LARGE1: variants seen among roughly 807,000 people sequenced by gnomAD.
The protein encoded by LARGE1 is xylosyl- and glucuronyltransferase LARGE1.
A neutral mutation model predicts 87.6 loss-of-function variants in LARGE1; 43 were observed. The observed-to-expected ratio is 0.49, with a 90% confidence interval of 0.38 to 0.63. The LOEUF (loss-of-function observed/expected upper bound fraction) is 0.63. Ranked by LOEUF, LARGE1 falls within the 30% of genes least tolerant of loss-of-function variation. LARGE1 has a pLI of 0.00. For missense variants in LARGE1, 802 were observed against 1,000.2 expected, an observed-to-expected ratio of 0.80 and a Z score of 2.67; for synonymous variants, 434 against 394.6, an observed-to-expected ratio of 1.10 and a Z score of -1.18.
chr22:33,888,459 A>C (rs1384249411), intron 1 of LARGE1, among the ~76,000 whole-genome samples: 1 of 152,124 alleles, frequency 6.6e-6, no homozygotes, highest in African/African-American at 2.4e-5. Flanking sequence ...GTGGTGGACA[A>C]CTGTACTAAT....
intron 13 of LARGE1, among the ~76,000 whole-genome samples, chr22:33,282,162 T>C (rs1332783092): frequency 6.6e-6 from 1 of 152,076 alleles, no homozygotes; most frequent in Non-Finnish European, 1.5e-5. Flanking sequence ...CTGACCAATA[T>C]GGAGAAACCC....
the LARGE1 span, among the ~76,000 whole-genome samples, chr22:33,117,120 A>G: frequency 1.3e-5 from 2 of 152,200 alleles, no homozygotes; most frequent in Non-Finnish European, 2.9e-5. Flanking sequence ...TGCTGTTTCC[A>G]AAGGAGCAGT....
intron 1 of LARGE1, among the ~76,000 whole-genome samples, chr22:33,876,608 G>A (rs2064474527): frequency 6.6e-6 from 1 of 151,754 alleles, no homozygotes; most frequent in Admixed American, 6.6e-5. Flanking sequence ...GAGAATGCAT[G>A]GACACAGGGA....
intron 11 of LARGE1, among the ~76,000 whole-genome samples, chr22:33,307,074 T>G (rs990203671): frequency 7.9e-5 from 12 of 152,186 alleles, no homozygotes. Flanking sequence ...AACCAACTTT[T>G]CTGCCAGGAC....
At chr22:33,351,545 T>C (rs555297166) in intron 9 of LARGE1, among the ~76,000 whole-genome samples, 1 of 152,056 alleles carries the variant, frequency 6.6e-6, no homozygotes, top group South Asian at 2.1e-4. Flanking sequence ...ATAAAATAAA[T>C]GAGTATATAT....
intron 6 of LARGE1, among the ~76,000 whole-genome samples, chr22:33,486,518 CAGAGAGAGAGACAG>C (rs1349715359): frequency 2.1e-5 from 3 of 144,952 alleles, no homozygotes; most frequent in African/African-American, 2.6e-5. Flanking sequence ...ACAGAAGAGA[CAGAGAGAGAGACAG>C]AGAGAGAGAG....
At chr22:33,178,985 G>C (rs541230086) in intron 11 of LARGE1, among the ~76,000 whole-genome samples, 2 of 152,280 alleles carry the variant, frequency 1.3e-5, no homozygotes, top group Non-Finnish European at 2.9e-5. Flanking sequence ...GGACCTTCTT[G>C]CTGCATCATA....
chr22:33,513,955 A>G (rs2071177266), intron 6 of LARGE1, among the ~76,000 whole-genome samples: 1 of 152,144 alleles, frequency 6.6e-6, no homozygotes, highest in South Asian at 2.1e-4. Flanking sequence ...ATGTTGAGAT[A>G]CACAAATACT....
chr22:33,385,223 C>A (rs1439115134), intron 7 of LARGE1, among the ~76,000 whole-genome samples: 1 of 148,526 alleles, frequency 6.7e-6, no homozygotes, highest in Non-Finnish European at 1.5e-5. Context: ...TTGTCTATAT[C>A]CTTTTGTGTT....
At chr22:33,073,009 GA>G in the LARGE1 span, among the ~76,000 whole-genome samples, 138 of 152,244 alleles carry the variant, frequency 9.1e-4, 5 homozygotes, top group South Asian at 0.018. Flanking sequence ...CGTCTCGAGG[GA>G]TATACATTTC....
At chr22:33,829,112 G>A (rs748836157) in intron 1 of LARGE1, among the ~76,000 whole-genome samples, 26 of 142,326 alleles carry the variant, frequency 1.8e-4, no homozygotes, top group Non-Finnish European at 2.4e-4. Context: ...ACGTTCAACC[G>A]ATTCTCCTGC....
intron 2 of LARGE1, among the ~76,000 whole-genome samples, chr22:33,694,579 G>GT (rs1174833649): frequency 6.6e-6 from 1 of 152,054 alleles, no homozygotes; most frequent in Non-Finnish European, 1.5e-5. Flanking sequence ...TAAAGTTCTA[G>GT]TTTGAGGTTC....
At chr22:33,100,240 C>T in the LARGE1 span, among the ~76,000 whole-genome samples, 1 of 147,928 alleles carries the variant, frequency 6.8e-6, no homozygotes, top group East Asian at 2.0e-4. Flanking sequence ...CCCAGCTACT[C>T]GGGAGGCTGA....
the LARGE1 span, among the ~76,000 whole-genome samples, chr22:33,078,935 T>C: frequency 8.5e-5 from 13 of 152,182 alleles, no homozygotes; most frequent in African/African-American, 2.9e-4. Flanking sequence ...TGCAAAGGCA[T>C]GGAAGTGTGA....
chr22:33,803,858 A>C (rs1771012826), intron 1 of LARGE1, among the ~76,000 whole-genome samples: 1 of 152,238 alleles, frequency 6.6e-6, no homozygotes, highest in Admixed American at 6.5e-5. Context: ...ACAGATGTTC[A>C]GAATAAACTA....
chr22:33,771,498 C>G (rs77295117), intron 1 of LARGE1, among the ~76,000 whole-genome samples: 1 of 152,220 alleles, frequency 6.6e-6, no homozygotes, highest in South Asian at 2.1e-4. Flanking sequence ...CTCTGAGATA[C>G]TTATTTCATA....
At position 33,487,172 on chromosome 22, in the gene LARGE1, C is replaced by T. The variant is rs540167957; in HGVS notation, c.788-54907G>A. On this transcript the variant is annotated intron_variant, in intron 6 of 14. Coordinates refer to ENST00000397394, the MANE Select transcript of LARGE1 (RefSeq NM_133642.5). Reference sequence around the variant, plus strand: ...GTAAACTTATGCTTATCAAATTATTCATTCATTCACCTGTTCATCCATCTG... The same window carrying T: ...GTAAACTTATGCTTATCAAATTATTTATTCATTCACCTGTTCATCCATCTG... 7.2e-5 allele frequency among the ~76,000 whole-genome samples: 11 copies of T among 152,300 alleles called. No individual in the cohort carries two copies. The East Asian group carries it at 2.1e-3, about 29-fold the overall frequency.
At chr22:33,729,252 A>G (rs1237993920) in intron 2 of LARGE1, among the ~76,000 whole-genome samples, 2 of 152,234 alleles carry the variant, frequency 1.3e-5, no homozygotes, top group Non-Finnish European at 2.9e-5. Context: ...GGAAGGAAAT[A>G]ATTACATGAA....
chr22:33,692,603 G>A lies in LARGE1; in HGVS notation c.107-41935C>T, dbSNP rs546276974. Among the ~76,000 whole-genome samples, 202 of 152,266 alleles carry A rather than the reference G, an allele frequency of 1.3e-3. 1 individual carries two copies. Among genetic ancestry groups the A allele is most frequent in the South Asian group, 3.3e-3 (16 of 4,816 alleles). ...TGGAATTATAGGCGTGAGCCACCGC[G>A]CCCGGCCAATGGCACCATTTTAGAC... On this transcript the variant is annotated intron_variant, in intron 2 of 14. Transcript: ENST00000397394.
Sources: gnomAD v4.1 joint callset for allele counts (sites outside exome capture counted in the v4.1 genomes callset) on GRCh38, gnomAD v4.1.1 for gene constraint, MANE v1.5 for transcripts, NCBI Gene and HGNC (gene_info 2026-07-23, HGNC 2026-07-21) for gene names.